Variants in FHIT observed in about 807,000 individuals in gnomAD.
FHIT encodes the protein fragile histidine triad diadenosine triphosphatase.
A neutral mutation model predicts 17.9 loss-of-function variants in FHIT; 19 were observed. That is an observed-to-expected ratio of 1.06 (90% CI 0.74 to 1.56). FHIT has a LOEUF of 1.56. Ranked by LOEUF, FHIT falls within the 40% of genes most tolerant of loss-of-function variation. The pLI is 0.00. For missense variants in FHIT, 248 were observed against 189.2 expected, an observed-to-expected ratio of 1.31 and a Z score of -1.82; for synonymous variants, 81 against 69.7, an observed-to-expected ratio of 1.16 and a Z score of -0.81.
chr3:61,246,493 T>A (rs1228322600), intron 1 of FHIT, among the ~76,000 whole-genome samples: 1 of 152,136 alleles, frequency 6.6e-6, no homozygotes, highest in Non-Finnish European at 1.5e-5. Context: ...TTAAGGCCAT[T>A]AAACAATTTC....
intron 4 of FHIT, among the ~76,000 whole-genome samples, chr3:60,551,001 C>T (rs535951065): frequency 6.6e-6 from 1 of 152,260 alleles, no homozygotes; most frequent in East Asian, 1.9e-4. Flanking sequence ...AAAGGGGAAT[C>T]TCACGTTTGA....
chr3:60,029,659 G>T (rs1170924391), intron 5 of FHIT, among the ~76,000 whole-genome samples: 1 of 152,130 alleles, frequency 6.6e-6, no homozygotes, highest in Non-Finnish European at 1.5e-5. Context: ...AAAAGAAAAT[G>T]ATATTTATTG....
intron 2 of FHIT, among the ~76,000 whole-genome samples, chr3:61,190,741 C>G (rs958589215): frequency 2.0e-5 from 3 of 152,096 alleles, no homozygotes; most frequent in African/African-American, 7.2e-5. Flanking sequence ...CCATGGAATA[C>G]TATGCAGCCA....
At chr3:59,946,975 AT>A (rs1706839918) in intron 7 of FHIT, among the ~76,000 whole-genome samples, 2 of 152,014 alleles carry the variant, frequency 1.3e-5, no homozygotes, top group Admixed American at 1.3e-4. Context: ...GAACTTTTCT[AT>A]TTTTATTGTG....
At chr3:60,715,611 G>A (rs1553706556) in intron 4 of FHIT, among the ~76,000 whole-genome samples, 1 of 133,276 alleles carries the variant, frequency 7.5e-6, no homozygotes, top group Non-Finnish European at 1.6e-5. Context: ...TCACACTCTG[G>A]GGACTGTTGT....
At chr3:61,228,228 T>A (rs541608227) in intron 1 of FHIT, among the ~76,000 whole-genome samples, 1 of 152,130 alleles carries the variant, frequency 6.6e-6, no homozygotes, top group East Asian at 1.9e-4. Flanking sequence ...CCTCTTCTTT[T>A]TCTTCATAAA....
intron 8 of FHIT, among the ~76,000 whole-genome samples, chr3:59,822,972 T>A (rs1459343671): frequency 6.6e-6 from 1 of 152,214 alleles, no homozygotes; most frequent in African/African-American, 2.4e-5. Context: ...CTGTTGATTT[T>A]TGTATAAGGT....
intron 8 of FHIT, among the ~76,000 whole-genome samples, chr3:59,766,503 T>C (rs919416414): frequency 2.6e-5 from 4 of 152,204 alleles, no homozygotes; most frequent in African/African-American, 9.7e-5. Context: ...TAATTAAAAC[T>C]TCTCTGCCTT....
chr3:60,117,167 T>G (rs1705003365), intron 5 of FHIT, among the ~76,000 whole-genome samples: 1 of 152,170 alleles, frequency 6.6e-6, no homozygotes, highest in African/African-American at 2.4e-5. Flanking sequence ...GCTGATAAGA[T>G]TTCCAGTAGT....
intron 7 of FHIT, among the ~76,000 whole-genome samples, chr3:59,949,918 A>G (rs1045585282): frequency 8.5e-5 from 13 of 152,242 alleles, no homozygotes; most frequent in Admixed American, 8.5e-4. Context: ...ACAACAATGC[A>G]TAATTAAACA....
At chr3:60,378,505 T>G (rs1158982705) in intron 5 of FHIT, among the ~76,000 whole-genome samples, 1 of 152,128 alleles carries the variant, frequency 6.6e-6, no homozygotes, top group Non-Finnish European at 1.5e-5. Flanking sequence ...GACATTTAAA[T>G]TAATCATTTG....
chr3:60,818,222 C>T (rs931021552), intron 4 of FHIT, among the ~76,000 whole-genome samples: 1 of 152,128 alleles, frequency 6.6e-6, no homozygotes, highest in African/African-American at 2.4e-5. Context: ...ACATTTGGCT[C>T]ATCTTGGAAT....
intron 2 of FHIT, among the ~76,000 whole-genome samples, chr3:61,057,412 G>C (rs779694728): frequency 3.1e-4 from 47 of 152,228 alleles, no homozygotes; most frequent in Non-Finnish European, 4.0e-4. Flanking sequence ...AGTGAAAGCT[G>C]GTGGTGGAAA....
At chr3:59,891,970 A>G (rs2107018032) in intron 8 of FHIT, among the ~76,000 whole-genome samples, 1 of 152,316 alleles carries the variant, frequency 6.6e-6, no homozygotes, top group Admixed American at 6.5e-5. Flanking sequence ...GTTGTCTCCA[A>G]ACTAAAAACA....
At chr3:61,142,285 T>C (rs2037108113) in intron 2 of FHIT, among the ~76,000 whole-genome samples, 1 of 151,640 alleles carries the variant, frequency 6.6e-6, no homozygotes, top group Admixed American at 6.6e-5. Context: ...TTTAGTCTGC[T>C]GAGTCAAAAG....
At chr3:60,170,373 C>A (rs1051121158) in intron 5 of FHIT, among the ~76,000 whole-genome samples, 6 of 152,138 alleles carry the variant, frequency 3.9e-5, no homozygotes, top group African/African-American at 1.4e-4. Context: ...AGCTTGGTAT[C>A]CCCACTATTT....
intron 3 of FHIT, among the ~76,000 whole-genome samples, chr3:60,960,609 C>G (rs1439454787): frequency 6.7e-6 from 1 of 148,438 alleles, no homozygotes; most frequent in Non-Finnish European, 1.5e-5. Flanking sequence ...TGTGTGGCCC[C>G]GGTGTGTGAT....
chr3:60,209,598 A>G (rs903558870), intron 5 of FHIT, among the ~76,000 whole-genome samples: 3 of 152,126 alleles, frequency 2.0e-5, no homozygotes, highest in African/African-American at 2.4e-5. Flanking sequence ...TTTGTTTAGG[A>G]AAGTTGTGTG....
At position 60,524,293 on chromosome 3, in the gene FHIT, G is replaced by A. The variant is rs191365726; in HGVS notation, c.103+12567C>T. On this transcript the variant is annotated intron_variant, in intron 5 of 9. Coordinates refer to ENST00000492590, the MANE Select transcript of FHIT (RefSeq NM_002012.4). ...TAGTGTATAAACACTACAAAGGAAC[G>A]TCATGTGGTAGGGGTGCAATTTTAA... Among the ~76,000 whole-genome samples the A allele has an allele frequency of 7.9e-5, 12 of 151,776 alleles. No individual in the cohort carries two copies. In the East Asian group the frequency reaches 1.5e-3, roughly 20 times the overall value.
Sources: gnomAD v4.1 joint callset for allele counts (sites outside exome capture counted in the v4.1 genomes callset) on GRCh38, gnomAD v4.1.1 for gene constraint, MANE v1.5 for transcripts, NCBI Gene and HGNC (gene_info 2026-07-23, HGNC 2026-07-21) for gene names.